The following BABAM2 variants were observed in gnomAD, a reference collection of about 807,000 sequenced individuals.
The protein encoded by BABAM2 is BRISC and BRCA1 A complex member 2.
Under a neutral mutation model 54.7 loss-of-function variants are expected in BABAM2, and 31 were observed. The ratio of observed to expected loss-of-function variants is 0.57; its 90% confidence interval spans 0.43 to 0.77. BABAM2 has a LOEUF of 0.77. Among genes scored for constraint, BABAM2 ranks in the 30% least tolerant of loss-of-function variants. The pLI, the probability that BABAM2 is intolerant of heterozygous loss-of-function variation, is 0.00. For synonymous variants in BABAM2, 167 were observed against 162.9 expected (o/e 1.03, Z -0.19); for missense variants, 364 against 455.8 (o/e 0.80, Z 1.83).
chr2:28,159,633 A>T (rs1672867520), intron 7 of BABAM2, among the ~76,000 whole-genome samples: 1 of 152,172 alleles, frequency 6.6e-6, no homozygotes, highest in Non-Finnish European at 1.5e-5. Flanking sequence ...CAATGCCAGC[A>T]CTTTGGGAGG....
At chr2:27,965,416 G>C (rs1276303943) in intron 3 of BABAM2, among the ~76,000 whole-genome samples, 1 of 152,072 alleles carries the variant, frequency 6.6e-6, no homozygotes, top group East Asian at 1.9e-4. Flanking sequence ...CAGTTTCACA[G>C]CTATCAACTC....
intron 7 of BABAM2, among the ~76,000 whole-genome samples, chr2:28,161,753 T>G (rs1673119847): frequency 6.6e-6 from 1 of 152,162 alleles, no homozygotes; most frequent in Non-Finnish European, 1.5e-5. Context: ...GGTCAAAAAG[T>G]CTTGCACAGC....
intron 10 of BABAM2, among the ~76,000 whole-genome samples, chr2:28,292,421 G>T (rs1184109448): frequency 1.3e-5 from 2 of 152,206 alleles, no homozygotes; most frequent in Non-Finnish European, 2.9e-5. Flanking sequence ...TATGTACATA[G>T]ATTATACAGT....
At chr2:28,176,723 A>G (rs1374343816) in intron 7 of BABAM2, among the ~76,000 whole-genome samples, 1 of 151,438 alleles carries the variant, frequency 6.6e-6, no homozygotes, top group Non-Finnish European at 1.5e-5. Context: ...AAATTCTGAA[A>G]CTGAAGAATT....
At chr2:27,976,323 A>ATGGATAT (rs1671601325) in intron 3 of BABAM2, among the ~76,000 whole-genome samples, 1 of 152,142 alleles carries the variant, frequency 6.6e-6, no homozygotes, top group Non-Finnish European at 1.5e-5. Context: ...CATTGGGTAG[A>ATGGATAT]TGGATATACA....
intron 7 of BABAM2, among the ~76,000 whole-genome samples, chr2:28,181,793 TTAAA>T (rs1558412778): frequency 6.7e-6 from 1 of 148,744 alleles, no homozygotes; most frequent in African/African-American, 2.5e-5. Context: ...AATTTTTTTT[TTAAA>T]AAAAAAAGAC....
At chr2:28,142,483 T>C (rs1423926787) in intron 7 of BABAM2, among the ~76,000 whole-genome samples, 5 of 152,194 alleles carry the variant, frequency 3.3e-5, no homozygotes, top group African/African-American at 1.2e-4. Flanking sequence ...GAAAATGTAC[T>C]TTACTGACAA....
intron 11 of BABAM2, chr2:28,307,817 A>G (rs967095739): frequency 1.3e-5 from 2 of 152,244 alleles, no homozygotes; most frequent in Non-Finnish European, 2.9e-5. Flanking sequence ...CCTCTAAAAA[A>G]AAAACCTATT....
chr2:28,042,898 C>T (rs1348481635), intron 5 of BABAM2, among the ~76,000 whole-genome samples: 1 of 151,746 alleles, frequency 6.6e-6, no homozygotes, highest in African/African-American at 2.4e-5. Context: ...GTGGCGGGCG[C>T]CTGTAGTCCC....
intron 10 of BABAM2, among the ~76,000 whole-genome samples, chr2:28,275,389 T>C (rs1322317164): frequency 6.6e-6 from 1 of 152,176 alleles, no homozygotes; most frequent in Admixed American, 6.5e-5. Context: ...GCCCAGGTTG[T>C]GAAGGTATAA....
chr2:28,297,044 C>T (rs971557119), intron 10 of BABAM2, among the ~76,000 whole-genome samples: 1 of 152,136 alleles, frequency 6.6e-6, no homozygotes. Flanking sequence ...AAAAGACGAA[C>T]CTTATACATA....
intron 10 of BABAM2, among the ~76,000 whole-genome samples, chr2:28,288,228 C>A (rs986678010): frequency 1.3e-5 from 2 of 152,092 alleles, no homozygotes; most frequent in Non-Finnish European, 2.9e-5. Context: ...CCAGCGTCTG[C>A]TTCCTTCATC....
chr2:28,019,040 C>G (rs1424472520), intron 4 of BABAM2, among the ~76,000 whole-genome samples: 1 of 152,008 alleles, frequency 6.6e-6, no homozygotes, highest in East Asian at 1.9e-4. Context: ...GTGAAGTTCC[C>G]CTCCCTGTGT....
At chr2:27,952,087 A>G (rs1382655996) in intron 3 of BABAM2, among the ~76,000 whole-genome samples, 1 of 152,244 alleles carries the variant, frequency 6.6e-6, no homozygotes, top group Non-Finnish European at 1.5e-5. Context: ...ACATTTAAGA[A>G]TGTTATGTCC....
intron 4 of BABAM2, among the ~76,000 whole-genome samples, chr2:27,993,309 A>G (rs1046953243): frequency 4.6e-5 from 7 of 152,186 alleles, no homozygotes; most frequent in African/African-American, 1.7e-4. Flanking sequence ...TGTTTGTTAG[A>G]TGAACAGATT....
chr2:27,922,891 A>G (rs968302346), intron 2 of BABAM2, among the ~76,000 whole-genome samples: 2 of 152,068 alleles, frequency 1.3e-5, no homozygotes, highest in Non-Finnish European at 2.9e-5. Context: ...GGCTCTAACT[A>G]TGTGTGAGGA....
At chr2:27,889,472 T>A (rs766555908), upstream of BABAM2, among the ~76,000 whole-genome samples, 2 of 152,230 alleles carry the variant, frequency 1.3e-5, no homozygotes, top group African/African-American at 2.4e-5. Context: ...TATCTGAATT[T>A]ATTACTAATT....
At chr2:28,324,504 TGGC>T (rs1419831666) in intron 11 of BABAM2, among the ~76,000 whole-genome samples, 1 of 151,750 alleles carries the variant, frequency 6.6e-6, no homozygotes, top group Non-Finnish European at 1.5e-5. Flanking sequence ...CCAGGCATGG[TGGC>T]TCACACCTAT....
intron 8 of BABAM2, among the ~76,000 whole-genome samples, 199 bp from the exon 9 acceptor site, chr2:28,241,124 G>A (rs932718578): frequency 1.3e-5 from 2 of 152,148 alleles, no homozygotes; most frequent in Non-Finnish European, 2.9e-5. Context: ...CCTTTGAAGT[G>A]TTGATTGATA....
Sources: gnomAD v4.1 joint callset for allele counts (sites outside exome capture counted in the v4.1 genomes callset) on GRCh38, gnomAD v4.1.1 for gene constraint, MANE v1.5 for transcripts, NCBI Gene and HGNC (gene_info 2026-07-23, HGNC 2026-07-21) for gene names.